SLC6A3: variants seen among roughly 807,000 people sequenced by gnomAD.
The protein encoded by SLC6A3 is solute carrier family 6 member 3.
SLC6A3 carries 19 observed loss-of-function variants against 70.4 expected under a neutral mutation model. The observed-to-expected ratio is 0.27, with a 90% CI of 0.19 to 0.40. The LOEUF (loss-of-function observed/expected upper bound fraction) is 0.40, where lower values mean the gene tolerates loss of function less well. Ranked by LOEUF, SLC6A3 falls within the 10% of genes least tolerant of loss-of-function variation. The pLI is 1.00. For synonymous variants in SLC6A3, 368 were observed against 356.6 expected (o/e 1.03, Z -0.36); for missense variants, 613 against 838.5 (o/e 0.73, Z 3.32).
Position 1,401,222 on chromosome 5 carries a change from C to G in SLC6A3, c.1768-236G>C, listed in dbSNP as rs1755843403. The G allele has an allele frequency of 5.8e-6, 4 of 694,086 alleles. No homozygotes were observed. The highest frequency in any genetic ancestry group is 5.3e-5 in the African/African-American group (3 of 57,078). The allele number at this position is 694,086 out of a possible 1,614,324, so 43.0% of individuals were successfully genotyped here. A position where few individuals can be genotyped will look rare whatever the true frequency, so the allele number is the denominator to read the frequency against. ...CCCGAAGCCAACATCCTGACGGTCCCCTTAAAGTCTAGCGCAGAGCAGAAC... is the reference window on the plus strand; with the variant it reads ...CCCGAAGCCAACATCCTGACGGTCCGCTTAAAGTCTAGCGCAGAGCAGAAC... On this transcript the variant is annotated intron_variant, in intron 13 of 14. Coordinates refer to ENST00000270349, the MANE Select transcript of SLC6A3 (RefSeq NM_001044.5). This position sits in a 1 kb window ranked among gnomAD's most constrained non-coding sequence, Gnocchi z 6.1.
Position 1,421,166 on chromosome 5 carries a change from A to G in SLC6A3, c.793-463T>C, listed in dbSNP as rs565818971. On this transcript the variant is annotated intron_variant, in intron 5 of 14. Coordinates refer to ENST00000270349, the MANE Select transcript of SLC6A3 (RefSeq NM_001044.5). This position sits in a 1 kb window ranked among gnomAD's most constrained non-coding sequence, Gnocchi z 7.2. ...TTGGTCAAAACTGGTTTTGGCCCAT[A>G]TAACAACCAAAGTTTTTTTTTTTTT... Among the ~76,000 whole-genome samples, 52 of 149,492 alleles carry G rather than the reference A, an allele frequency of 3.5e-4. No homozygotes were observed. The highest frequency in any genetic ancestry group is 1.2e-3 in the African/African-American group (51 of 40,972).
At chr5:1,415,898 C>T (rs1318957122) in intron 7 of SLC6A3, among the ~76,000 whole-genome samples, 200 bp downstream of exon 7, 2 of 152,230 alleles carry the variant, frequency 1.3e-5, no homozygotes, top group Non-Finnish European at 2.9e-5. Flanking sequence ...CCACTGGCTT[C>T]AGTGCCTTCT....
intron 4 of SLC6A3, among the ~76,000 whole-genome samples, chr5:1,424,031 C>T (rs1334509252): frequency 6.6e-6 from 1 of 152,228 alleles, no homozygotes; most frequent in Non-Finnish European, 1.5e-5. Flanking sequence ...AAACTCCAGA[C>T]ACCCTGGCTG....
chr5:1,422,388 T>C (rs1756462031), intron 4 of SLC6A3, among the ~76,000 whole-genome samples: 2 of 146,744 alleles, frequency 1.4e-5, no homozygotes, highest in African/African-American at 5.0e-5. Context: ...CTGCCCAAGG[T>C]GCTGGGTGCC....
chr5:1,436,152 G>A lies in SLC6A3; in HGVS notation c.419-3454C>T, dbSNP rs1012541747. Among the ~76,000 whole-genome samples the A allele has an allele frequency of 1.3e-5, 2 of 152,204 alleles. No individual in the cohort carries two copies. The highest frequency in any genetic ancestry group is 6.5e-5 in the Admixed American group (1 of 15,284). On this transcript the variant is annotated intron_variant, in intron 3 of 14. Transcript: ENST00000270349. The surrounding 1 kb of genome is among the most constrained non-coding windows in gnomAD (Gnocchi z 5.2). ...CACTGTCAGCACTGGCCAGGCATTC[G>A]GTTGCTCCAAGCCCTGCCCTTCAGG...
rs766786798 is a variant in SLC6A3, at chr5:1,443,028, G to A, written c.170C>T (p.Ala57Val). Residue 57 changes from alanine (A) to valine (V), a missense_variant, in exon 2 of 15, where the codon GCC becomes GTC. Transcript: ENST00000270349. Reference sequence around the variant, plus strand: ...CTTGCCCCAGGTCTCCCGATCCTGGGCCTCCACGGGGCTCTGCCGCGGGTT... The same window carrying A: ...CTTGCCCCAGGTCTCCCGATCCTGGACCTCCACGGGGCTCTGCCGCGGGTT... The part of the protein sequence containing the change: ...LTNPRQSPVE[A>V]QDRETWGKKI... 57 of 1,614,112 alleles carry A rather than the reference G, an allele frequency of 3.5e-5. 1 individual carries two copies. The highest frequency in any genetic ancestry group is 4.8e-5 in the Non-Finnish European group (57 of 1,180,052).
chr5:1,406,111 C>T lies in SLC6A3; in HGVS notation c.1599+77G>A, dbSNP rs1460504180. ...GCCACAGTGACAACCCACATGCGGGCGCTGGACCTCGGGGCAGGTGCCAGA... is the reference window on the plus strand; with the variant it reads ...GCCACAGTGACAACCCACATGCGGGTGCTGGACCTCGGGGCAGGTGCCAGA... On this transcript the variant is annotated intron_variant, in intron 12 of 14. Coordinates refer to ENST00000270349, the MANE Select transcript of SLC6A3 (RefSeq NM_001044.5). This position sits in a 1 kb window ranked among gnomAD's most constrained non-coding sequence, Gnocchi z 8.8. 14 of 1,035,208 alleles carry T rather than the reference C, an allele frequency of 1.4e-5. No individual in the cohort carries two copies. Among genetic ancestry groups the T allele is most frequent in the South Asian group, 3.8e-5 (3 of 79,532 alleles). 64.1% of individuals were successfully genotyped at this position (1,035,208 alleles called of 1,614,324 possible). A position where few individuals can be genotyped will look rare whatever the true frequency, so the allele number is the denominator to read the frequency against.
chr5:1,399,272 G>C (rs1247195952), intron 14 of SLC6A3, among the ~76,000 whole-genome samples: 1 of 152,046 alleles, frequency 6.6e-6, no homozygotes, highest in African/African-American at 2.4e-5. Flanking sequence ...AATATACTTA[G>C]AACTAAAAGA....
In SLC6A3 at chr5:1,411,469, T is replaced by C. The variant is rs1756124288; in HGVS notation, c.1157-114A>G. On this transcript the variant is annotated intron_variant, in intron 8 of 14. Transcript: ENST00000270349. The surrounding 1 kb of genome is among the most constrained non-coding windows in gnomAD (Gnocchi z 6.5). Reference sequence around the variant, plus strand: ...GCCACAGGCCTGTAGAGACTAGGGCTGGTGCGGCTCTGCTGAAAAGCCCCC... The same window carrying C: ...GCCACAGGCCTGTAGAGACTAGGGCCGGTGCGGCTCTGCTGAAAAGCCCCC... 1 of 797,972 alleles carries C rather than the reference T, an allele frequency of 1.3e-6. No homozygotes were observed. The highest frequency in any genetic ancestry group is 2.7e-5 in the East Asian group (1 of 37,498). The allele number at this position is 797,972 out of a possible 1,614,324, so 49.4% of individuals were successfully genotyped here.
Position 1,438,434 on chromosome 5 carries a change from C to T in SLC6A3, c.418+2925G>A, listed in dbSNP as rs562273434. Among the ~76,000 whole-genome samples the T allele has an allele frequency of 3.3e-5, 5 of 152,380 alleles. No individual in the cohort carries two copies. The highest frequency in any genetic ancestry group is 1.9e-4 in the East Asian group (1 of 5,186). ...GAGAACACGATGATATGCCCACATC[C>T]GCCGGCTGCATTTCTTCAGAACGAG... On this transcript the variant is annotated intron_variant, in intron 3 of 14. Coordinates refer to ENST00000270349, the MANE Select transcript of SLC6A3 (RefSeq NM_001044.5). The surrounding 1 kb of genome is among the most constrained non-coding windows in gnomAD (Gnocchi z 6.5).
Position 1,436,913 on chromosome 5 carries a change from GC to G in SLC6A3, c.419-4216del, listed in dbSNP as rs1331913019. Among the ~76,000 whole-genome samples the G allele has an allele frequency of 2.0e-5, 3 of 152,132 alleles. No homozygotes were observed. The highest frequency in any genetic ancestry group is 4.4e-5 in the Non-Finnish European group (3 of 68,022). On this transcript the variant is annotated intron_variant, in intron 3 of 14. Transcript: ENST00000270349. The surrounding 1 kb of genome is among the most constrained non-coding windows in gnomAD (Gnocchi z 5.2). ...GCTGGAGGAAGCCTCTGGTGGAGCA[GC>G]CCCTCCATACCTCACAGGAGGCATC...
At chr5:1,432,443 G>A (rs750519171) in intron 4 of SLC6A3, 21 bp downstream of exon 4, 151 of 1,586,588 alleles carry the variant, frequency 9.5e-5, no homozygotes, top group Non-Finnish European at 1.2e-4. Flanking sequence ...TCCCGTTCCC[G>A]AGGACCCGAC....
rs1755943328 is a variant in SLC6A3, at chr5:1,405,209, AG to A, written c.1599+978del. On this transcript the variant is annotated intron_variant, in intron 12 of 14. Coordinates refer to ENST00000270349, the MANE Select transcript of SLC6A3 (RefSeq NM_001044.5). The surrounding 1 kb of genome is among the most constrained non-coding windows in gnomAD (Gnocchi z 5.3). Reference sequence around the variant, plus strand: ...GCTCAGACACGGTGGAATTTCTACAAGATGCCGGGCAGGTTCTCTCACACTA... The same window carrying A: ...GCTCAGACACGGTGGAATTTCTACAAATGCCGGGCAGGTTCTCTCACACTA... 6.6e-6 allele frequency among the ~76,000 whole-genome samples: 1 copy of A among 152,222 alleles called. No individual in the cohort carries two copies. Among genetic ancestry groups the A allele is most frequent in the Non-Finnish European group, 1.5e-5 (1 of 68,042 alleles).
rs760385170 is a variant in SLC6A3 at position 1,408,203 on chromosome 5, A to ATTTT, written c.1498+819_1498+822dup. ...AGCCTTGTGCCACCACACCCGGCTA[A>ATTTT]TTTTTTTTTTTTTTTTTTTTAGTAA... On this transcript the variant is annotated intron_variant, in intron 11 of 14. Coordinates refer to ENST00000270349, the MANE Select transcript of SLC6A3 (RefSeq NM_001044.5). The surrounding 1 kb of genome is among the most constrained non-coding windows in gnomAD (Gnocchi z 6.4). Among the ~76,000 whole-genome samples the ATTTT allele has an allele frequency of 0.021, 2,817 of 131,492 alleles. 135 individuals are homozygous for ATTTT. Among genetic ancestry groups the ATTTT allele is most frequent in the African/African-American group, 0.074 (2,537 of 34,256 alleles). The allele number at this position is 131,492 out of a possible 152,430, so 86.3% of individuals were successfully genotyped here.
At chr5:1,441,634 G>A in intron 2 of SLC6A3, 144 bp from the exon 3 acceptor site, 1 of 911,372 alleles carries the variant, frequency 1.1e-6, no homozygotes. Flanking sequence ...TCCCAGGCTA[G>A]GGTAGATGAG....
intron 14 of SLC6A3, among the ~76,000 whole-genome samples, chr5:1,395,120 T>G (rs1162602837): frequency 3.3e-5 from 5 of 152,160 alleles, no homozygotes; most frequent in African/African-American, 7.2e-5. Flanking sequence ...CCCAGCGACT[T>G]GGGTGTGACG....
rs1185924067 is a variant in SLC6A3 at position 1,413,608 on chromosome 5, G to A, written c.1156+1083C>T. Among the ~76,000 whole-genome samples the A allele has an allele frequency of 2.0e-5, 3 of 151,964 alleles. No homozygotes were observed. Among genetic ancestry groups the A allele is most frequent in the African/African-American group, 7.3e-5 (3 of 41,344 alleles). On this transcript the variant is annotated intron_variant, in intron 8 of 14. Transcript: ENST00000270349. This position sits in a 1 kb window ranked among gnomAD's most constrained non-coding sequence, Gnocchi z 7.1. ...AATGTAGTGCCCCCACCCCACCCCC[G>A]GAGAAGACAGTCCAGAGGAAGCAAG... is the stretch of plus-strand genomic sequence containing the variant.
At chr5:1,407,352 G>A (rs572266797) in intron 11 of SLC6A3, among the ~76,000 whole-genome samples, 156 of 151,520 alleles carry the variant, frequency 1.0e-3, no homozygotes, top group African/African-American at 2.1e-3. Flanking sequence ...GGGAGGCAGC[G>A]GGGATGCAGA....
At chr5:1,426,676 G>C (rs559167171) in intron 4 of SLC6A3, among the ~76,000 whole-genome samples, 1 of 152,308 alleles carries the variant, frequency 6.6e-6, no homozygotes, top group Non-Finnish European at 1.5e-5. Flanking sequence ...CATATGCTAA[G>C]GAAAATAAGG....
Sources: gnomAD v4.1 joint callset for allele counts (sites outside exome capture counted in the v4.1 genomes callset) on GRCh38, gnomAD v4.1.1 for gene constraint, Gnocchi (gnomAD v3.1) non-coding constraint, MANE v1.5 for transcripts, NCBI Gene and HGNC (gene_info 2026-07-23, HGNC 2026-07-21) for gene names.